Variants in PRDX6 observed in about 807,000 individuals in gnomAD.
PRDX6 encodes peroxiredoxin-6.
A neutral mutation model predicts 20.0 loss-of-function variants in PRDX6; 13 were observed. The observed-to-expected ratio is 0.65, with a 90% CI of 0.42 to 1.03. The LOEUF is 1.03. Among genes scored for constraint, PRDX6 ranks in the 50% least tolerant of loss-of-function variants. The pLI, the probability that PRDX6 is intolerant of heterozygous loss-of-function variation, is 0.00. For missense variants in PRDX6, 203 were observed against 276.9 expected, an observed-to-expected ratio of 0.73 and a Z score of 1.89; for synonymous variants, 85 against 100.8, an observed-to-expected ratio of 0.84 and a Z score of 0.94.
intron 2 of PRDX6, chr1:173,481,752 C>G (rs1445309975): frequency 5.2e-6 from 2 of 382,954 alleles, no homozygotes; most frequent in East Asian, 1.0e-4. Context: ...TCCAGGACAC[C>G]ACATTCTAGC....
intron 2 of PRDX6, 51 bp downstream of exon 2, chr1:173,481,533 T>C: frequency 6.4e-7 from 1 of 1,566,658 alleles, no homozygotes; most frequent in Non-Finnish European, 8.8e-7. Flanking sequence ...GGTCAAGTTA[T>C]AAATTATGGA....
chr1:173,486,125 A>G, intron 3 of PRDX6, 130 bp from the exon 4 acceptor site: 2 of 693,796 alleles, frequency 2.9e-6, no homozygotes, highest in Admixed American at 3.1e-5. Context: ...CAGTTGGTGT[A>G]TCCTTCTAGA....
At position 173,485,400 on chromosome 1, in the gene PRDX6, T is replaced by C; in HGVS notation, c.292T>C (p.Leu98=). The change falls in exon 3 of 5, where the codon TTA becomes CTA. Residue 98 remains leucine, a synonymous_variant. Coordinates refer to ENST00000340385, the MANE Select transcript of PRDX6 (RefSeq NM_004905.3). ...AYNCEEPTEK[L]PFPIIDDRNR... Reference sequence around the variant, plus strand: ...CAATTGTGAAGAGCCCACAGAAAAGTTACCTTTTCCCATCATCGATGATAG... The same window carrying C: ...CAATTGTGAAGAGCCCACAGAAAAGCTACCTTTTCCCATCATCGATGATAG... The C allele has an allele frequency of 1.2e-6, 2 of 1,608,260 alleles. No individual in the cohort carries two copies. Among genetic ancestry groups the C allele is most frequent in the Non-Finnish European group, 8.5e-7 (1 of 1,177,096 alleles).
At chr1:173,480,164 A>G (rs900149396) in intron 1 of PRDX6, among the ~76,000 whole-genome samples, 14 of 152,338 alleles carry the variant, frequency 9.2e-5, no homozygotes, top group African/African-American at 2.9e-4. Context: ...AAAAAATACT[A>G]ACTTTCCTCC....
At chr1:173,486,073 CAG>C (rs1557997978) in intron 3 of PRDX6, among the ~76,000 whole-genome samples, 180 bp from the exon 4 acceptor site, 3 of 152,218 alleles carry the variant, frequency 2.0e-5, no homozygotes, top group Non-Finnish European at 2.9e-5. Context: ...TAGAAAATAA[CAG>C]GGAGAAGAAA....
At chr1:173,479,565 G>T (rs1658767533) in intron 1 of PRDX6, among the ~76,000 whole-genome samples, 1 of 152,214 alleles carries the variant, frequency 6.6e-6, no homozygotes, top group African/African-American at 2.4e-5. Flanking sequence ...GGTAGAAGCA[G>T]CTTCTTCATA....
At chr1:173,485,660 A>G (rs1658883794) in intron 3 of PRDX6, among the ~76,000 whole-genome samples, 153 bp downstream of exon 3, 2 of 152,240 alleles carry the variant, frequency 1.3e-5, no homozygotes, top group Non-Finnish European at 2.9e-5. Context: ...TGTAATGCTG[A>G]TGCAATTTTC....
At chr1:173,483,051 C>T (rs1658830848) in intron 2 of PRDX6, among the ~76,000 whole-genome samples, 1 of 152,138 alleles carries the variant, frequency 6.6e-6, no homozygotes, top group African/African-American at 2.4e-5. Flanking sequence ...AGGATAGGTT[C>T]TTTGGTGTTC....
intron 1 of PRDX6, 79 bp from the exon 2 acceptor site, chr1:173,481,247 A>G: frequency 7.3e-7 from 1 of 1,368,678 alleles, no homozygotes; most frequent in Non-Finnish European, 1.0e-6. Flanking sequence ...TTTTTGATCC[A>G]GAAGTTGTGA....
chr1:173,485,506 T>C lies in PRDX6; in HGVS notation c.398T>C (p.Val133Ala). ...DEKGMPVTAR[V>A]VFVFGPDKKL... The stretch of plus-strand genomic sequence containing the variant: ...AAGGGCATGCCTGTGACAGCTCGTG[T>C]GGTAGGTCATACAAATTCATTTTGT... Residue 133 changes from valine (V) to alanine (A), a missense_variant and splice_region_variant, in exon 3 of 5, where the codon GTG (valine) becomes GCG (alanine). Coordinates refer to ENST00000340385, the MANE Select transcript of PRDX6 (RefSeq NM_004905.3). 6.3e-7 allele frequency: 1 copy of C among 1,588,008 alleles called. No individual in the cohort carries two copies. The highest frequency in any genetic ancestry group is 8.6e-7 in the Non-Finnish European group (1 of 1,165,626).
chr1:173,485,323 G>A (rs201857555), intron 2 of PRDX6, 38 bp from the exon 3 acceptor site: 2 of 1,518,320 alleles, frequency 1.3e-6, no homozygotes, highest in East Asian at 2.4e-5. Flanking sequence ...GCATGTGTTG[G>A]GTTTAGATTC....
chr1:173,481,171 C>T, intron 1 of PRDX6, 155 bp from the exon 2 acceptor site: 1 of 700,834 alleles, frequency 1.4e-6, no homozygotes, highest in Non-Finnish European at 2.3e-6. Flanking sequence ...GATTGAAAAG[C>T]ACTCCTCAAC....
chr1:173,479,649 G>A (rs1658769429), intron 1 of PRDX6, among the ~76,000 whole-genome samples: 1 of 152,200 alleles, frequency 6.6e-6, no homozygotes, highest in Non-Finnish European at 1.5e-5. Flanking sequence ...CCATTCTCTT[G>A]AAGGAGGAAA....
At chr1:173,478,747 AG>A (rs1557995873) in intron 1 of PRDX6, among the ~76,000 whole-genome samples, 1 of 152,190 alleles carries the variant, frequency 6.6e-6, no homozygotes, top group Non-Finnish European at 1.5e-5. Context: ...GGCTGTGCAG[AG>A]AACCAGGGAC....
chr1:173,486,060 G>A (rs946698668), intron 3 of PRDX6, among the ~76,000 whole-genome samples, 195 bp from the exon 4 acceptor site: 12 of 152,110 alleles, frequency 7.9e-5, no homozygotes, highest in Admixed American at 6.5e-5. Flanking sequence ...TCCCTTCTAC[G>A]TTTAGAAAAT....
At chr1:173,477,687 A>G (rs1025174527) in intron 1 of PRDX6, among the ~76,000 whole-genome samples, 195 bp downstream of exon 1, 4 of 151,930 alleles carry the variant, frequency 2.6e-5, no homozygotes, top group African/African-American at 9.7e-5. Flanking sequence ...GGGAGCTGGC[A>G]CCCGTTCGGC....
chr1:173,487,942 C>T lies in PRDX6; in HGVS notation c.*79C>T. 6.4e-7 allele frequency: 1 copy of T among 1,562,616 alleles called. No homozygotes were observed. Among genetic ancestry groups the T allele is most frequent in the East Asian group, 2.3e-5 (1 of 44,314 alleles). ...TTTTCCTGCAGCAATTCCATAAACA[C>T]ATCCTGGTGTCATCACAGCCAAGGT... On this transcript the variant is annotated 3_prime_UTR_variant, in exon 5 of 5. Transcript: ENST00000340385.
At chr1:173,487,617 T>G in intron 4 of PRDX6, 118 bp from the exon 5 acceptor site, 1 of 1,164,810 alleles carries the variant, frequency 8.6e-7, no homozygotes, top group African/African-American at 1.5e-5. Flanking sequence ...GAGGGGAGAG[T>G]AAAGAACACT....
chr1:173,483,814 C>T (rs529891782), intron 2 of PRDX6, among the ~76,000 whole-genome samples: 8 of 152,116 alleles, frequency 5.3e-5, no homozygotes, highest in Admixed American at 3.9e-4. Flanking sequence ...TCATTAATAT[C>T]GTTCCTGGCC....
Sources: allele counts gnomAD v4.1 joint callset (sites outside exome capture counted in the v4.1 genomes callset), GRCh38; gene constraint gnomAD v4.1.1; transcripts MANE v1.5; gene names NCBI Gene and HGNC (gene_info 2026-07-23, HGNC 2026-07-21).